PRR16: variants seen among roughly 807,000 people sequenced by gnomAD.
The protein encoded by PRR16 is proline rich 16, also known as protein Largen.
A neutral mutation model predicts 18.2 loss-of-function variants in PRR16; 6 were observed. That is an observed-to-expected ratio of 0.33 (90% CI 0.18 to 0.65). The LOEUF (loss-of-function observed/expected upper bound fraction) is 0.65, where lower values mean the gene tolerates loss of function less well. Among genes scored for constraint, PRR16 ranks in the 30% least tolerant of loss-of-function variants. The probability of loss-of-function intolerance (pLI) is 0.74; values close to 1 mark genes in which losing one functional copy is unlikely to be tolerated. For synonymous variants in PRR16, 151 were observed against 147.8 expected, an observed-to-expected ratio of 1.02 and a Z score of -0.16; for missense variants, 412 against 376.6, an observed-to-expected ratio of 1.09 and a Z score of -0.78.
chr5:120,583,883 G>A (rs1037056475), intron 1 of PRR16, among the ~76,000 whole-genome samples: 2 of 152,140 alleles, frequency 1.3e-5, no homozygotes, highest in Admixed American at 6.5e-5. Context: ...GGGAGTCATA[G>A]GAAGTTTTCA....
chr5:120,631,042 A>C (rs1755035337), intron 1 of PRR16, among the ~76,000 whole-genome samples: 1 of 152,186 alleles, frequency 6.6e-6, no homozygotes, highest in Non-Finnish European at 1.5e-5. Context: ...GTTTGTAATC[A>C]ACTCATCATA....
intron 1 of PRR16, among the ~76,000 whole-genome samples, chr5:120,543,013 C>G (rs2112686076): frequency 6.6e-6 from 1 of 152,138 alleles, no homozygotes; most frequent in East Asian, 1.9e-4. Context: ...AAGAATAGAG[C>G]CTTTACTGAG....
At chr5:120,497,929 A>G (rs756056724) in intron 1 of PRR16, among the ~76,000 whole-genome samples, 1 of 151,760 alleles carries the variant, frequency 6.6e-6, no homozygotes, top group Admixed American at 6.6e-5. Flanking sequence ...TGTCTATATC[A>G]TTATATTGAT....
At chr5:120,762,476 T>C in the PRR16 span, among the ~76,000 whole-genome samples, 2 of 152,140 alleles carry the variant, frequency 1.3e-5, no homozygotes, top group Non-Finnish European at 1.5e-5. Context: ...TGATTAAATA[T>C]GTTGACTAAT....
At chr5:120,741,768 T>G in the PRR16 span, among the ~76,000 whole-genome samples, 1 of 152,002 alleles carries the variant, frequency 6.6e-6, no homozygotes, top group African/African-American at 2.4e-5. Context: ...GCCCGACTAA[T>G]TTTTGTATTT....
At chr5:120,485,544 A>C (rs1749769236) in intron 1 of PRR16, among the ~76,000 whole-genome samples, 1 of 152,254 alleles carries the variant, frequency 6.6e-6, no homozygotes, top group African/African-American at 2.4e-5. Flanking sequence ...AAATGGAAGC[A>C]ATGACGTATT....
chr5:120,649,222 C>T (rs1423317997), intron 1 of PRR16, among the ~76,000 whole-genome samples: 2 of 151,988 alleles, frequency 1.3e-5, no homozygotes, highest in African/African-American at 2.4e-5. Context: ...TTCTTTTCTC[C>T]TATTATTTTG....
At chr5:120,593,088 C>T (rs1015228752) in intron 1 of PRR16, among the ~76,000 whole-genome samples, 1 of 151,946 alleles carries the variant, frequency 6.6e-6, no homozygotes, top group Admixed American at 6.6e-5. Context: ...AACAACTTAA[C>T]ATCACAACTG....
chr5:120,751,576 C>G, the PRR16 span, among the ~76,000 whole-genome samples: 1 of 151,744 alleles, frequency 6.6e-6, no homozygotes, highest in Non-Finnish European at 1.5e-5. Flanking sequence ...AGTTTAAATT[C>G]CTTTTCATAA....
chr5:120,479,081 T>C (rs960485545), intron 1 of PRR16, among the ~76,000 whole-genome samples: 9 of 152,086 alleles, frequency 5.9e-5, no homozygotes, highest in African/African-American at 2.2e-4. Context: ...TCCTCTAGTG[T>C]TCAAAAATAT....
chr5:120,729,874 C>T, the PRR16 span, among the ~76,000 whole-genome samples: 9 of 151,976 alleles, frequency 5.9e-5, no homozygotes, highest in African/African-American at 2.2e-4. Context: ...GCTTTGCATG[C>T]CATATCAAGA....
chr5:120,677,911 T>C (rs867233902), intron 1 of PRR16, among the ~76,000 whole-genome samples: 7,948 of 130,916 alleles, frequency 0.061, 230 homozygotes, highest in South Asian at 0.098. Context: ...CTTTCTTTTT[T>C]TTTTTTTTTT....
chr5:120,603,542 C>G (rs1239787467), intron 1 of PRR16, among the ~76,000 whole-genome samples: 1 of 151,718 alleles, frequency 6.6e-6, no homozygotes, highest in Admixed American at 6.6e-5. Flanking sequence ...TGTGGATATT[C>G]TTGTCTCAAT....
chr5:120,602,824 T>C (rs967602511), intron 1 of PRR16, among the ~76,000 whole-genome samples: 3 of 152,016 alleles, frequency 2.0e-5, no homozygotes, highest in Non-Finnish European at 4.4e-5. Context: ...CAGTTGATTA[T>C]GTGGTTTATA....
chr5:120,741,874 T>A, the PRR16 span, among the ~76,000 whole-genome samples: 1 of 152,162 alleles, frequency 6.6e-6, no homozygotes, highest in Non-Finnish European at 1.5e-5. Flanking sequence ...GTGCTGGGAT[T>A]GCAGGCATGA....
intron 1 of PRR16, among the ~76,000 whole-genome samples, chr5:120,672,604 C>T (rs1049752428): frequency 6.6e-6 from 1 of 151,158 alleles, no homozygotes; most frequent in Non-Finnish European, 1.5e-5. Flanking sequence ...TCTGTAACTG[C>T]AAGGCAAAGA....
chr5:120,535,651 T>C (rs143995895), intron 1 of PRR16, among the ~76,000 whole-genome samples: 2,157 of 152,032 alleles, frequency 0.014, 38 homozygotes, highest in Admixed American at 0.053. Context: ...AATACAAAAA[T>C]TATCCAGGTG....
the PRR16 span, among the ~76,000 whole-genome samples, chr5:120,774,839 C>T: frequency 6.6e-6 from 1 of 152,148 alleles, no homozygotes. Context: ...ATATTATGTA[C>T]ATAAATCTGA....
the PRR16 span, among the ~76,000 whole-genome samples, chr5:120,737,299 T>G: frequency 7.4e-6 from 1 of 134,556 alleles, no homozygotes; most frequent in African/African-American, 2.8e-5. Context: ...CTATTCCTAG[T>G]TTGTTGAGTT....
Sources: allele counts gnomAD v4.1 joint callset (sites outside exome capture counted in the v4.1 genomes callset), GRCh38; gene constraint gnomAD v4.1.1; transcripts MANE v1.5; gene names NCBI Gene and HGNC (gene_info 2026-07-23, HGNC 2026-07-21).